The following MYRFL variants were observed in gnomAD, a reference collection of about 807,000 sequenced individuals.
The protein encoded by MYRFL is myelin regulatory factor like.
In MYRFL, 88 loss-of-function variants were observed where a neutral mutation model predicts 109.4. That is an observed-to-expected ratio of 0.80 (90% CI 0.68 to 0.96). The LOEUF (loss-of-function observed/expected upper bound fraction) is 0.96, where lower values mean the gene tolerates loss of function less well. Ranked by LOEUF, MYRFL falls within the 40% of genes least tolerant of loss-of-function variation. The probability of loss-of-function intolerance (pLI) is 0.00; values close to 1 mark genes in which losing one functional copy is unlikely to be tolerated. For missense variants in MYRFL, 957 were observed against 954.9 expected (o/e 1.00, Z -0.03); for synonymous variants, 324 against 320.9 (o/e 1.01, Z -0.10).
chr12:69,953,184 GGCACAGA>G (rs1204078771), intron 21 of MYRFL, among the ~76,000 whole-genome samples: 1 of 152,176 alleles, frequency 6.6e-6, no homozygotes, highest in African/African-American at 2.4e-5. Context: ...ACATATCAAG[GGCACAGA>G]GCTGCCAGTT....
intron 10 of MYRFL, among the ~76,000 whole-genome samples, chr12:69,901,507 T>G (rs1954179130): frequency 6.6e-6 from 1 of 152,208 alleles, no homozygotes; most frequent in African/African-American, 2.4e-5. Flanking sequence ...AGTATTGCAA[T>G]TGTTCCAAAA....
intron 13 of MYRFL, 45 bp from the exon 14 acceptor site, chr12:69,926,526 C>T: frequency 7.0e-7 from 1 of 1,432,440 alleles, no homozygotes; most frequent in Non-Finnish European, 9.2e-7. Context: ...TTGTAGTGAT[C>T]TCAAATTGTT....
At chr12:69,899,606 T>G (rs1313797112) in intron 10 of MYRFL, among the ~76,000 whole-genome samples, 2 of 152,218 alleles carry the variant, frequency 1.3e-5, no homozygotes, top group Non-Finnish European at 2.9e-5. Flanking sequence ...TCCAGACTTG[T>G]TCTGTGGCCT....
chr12:69,875,413 T>C, intron 2 of MYRFL, among the ~76,000 whole-genome samples: 1 of 152,200 alleles, frequency 6.6e-6, no homozygotes, highest in Non-Finnish European at 1.5e-5. Context: ...CCATTTAGCT[T>C]CTTATAGTAG....
chr12:69,825,642 C>T (rs771511295), intron 1 of MYRFL, 79 bp downstream of exon 1: 3 of 671,664 alleles, frequency 4.5e-6, no homozygotes, highest in Non-Finnish European at 8.0e-6. Context: ...TCCGTATTCA[C>T]TTAAACTTTG....
In MYRFL at chr12:69,880,286, A is replaced by G. The variant is rs17813773; in HGVS notation, c.550A>G (p.Arg184Gly). 119,445 of 702,460 alleles carry G rather than the reference A, an allele frequency of 0.17. 12,041 individuals carry two copies. The highest frequency in any genetic ancestry group is 0.22 in the Non-Finnish European group (84,564 of 384,656). The allele number at this position is 702,460 out of a possible 1,614,324, so 43.5% of individuals were successfully genotyped here. A position where few individuals can be genotyped will look rare whatever the true frequency, so the allele number is the denominator to read the frequency against. Residue 184 changes from arginine (R) to glycine (G), a missense_variant, in exon 5 of 25, where the codon AGA becomes GGA. Physicochemically the swap from Arg to Gly is moderately radical, Grantham distance 125. Coordinates refer to ENST00000552032, the MANE Select transcript of MYRFL (RefSeq NM_182530.3). The stretch of plus-strand genomic sequence containing the variant: ...ATGCCGAGTGTGGGCCTGCCACTGC[A>G]GACCGAGTGAGCAAACCTGGGTGGG... Reference protein sequence around the residue: ...GECRVWACHCRPMTSRSRSSE... With the variant: ...GECRVWACHCGPMTSRSRSSE...
chr12:69,939,223 T>C (rs906503638), intron 19 of MYRFL, among the ~76,000 whole-genome samples: 7 of 152,126 alleles, frequency 4.6e-5, no homozygotes, highest in Middle Eastern at 3.2e-3. Flanking sequence ...CTGTGTAGGC[T>C]CCACCTCTGG....
chr12:69,875,012 A>C (rs74791194), intron 2 of MYRFL, among the ~76,000 whole-genome samples: 25,859 of 150,822 alleles, frequency 0.17, 2,948 homozygotes, highest in African/African-American at 0.32. Context: ...TTATATCTTT[A>C]AGAAGCTCAG....
chr12:69,936,915 G>A (rs932440985), intron 19 of MYRFL, among the ~76,000 whole-genome samples: 12 of 152,168 alleles, frequency 7.9e-5, no homozygotes, highest in African/African-American at 2.7e-4. Flanking sequence ...TAGCACAAGC[G>A]AAGTAATTAC....
chr12:69,891,682 T>TTTCTTTCTTTCTTTCGTTCGTTCG (rs1277296623), intron 7 of MYRFL, among the ~76,000 whole-genome samples: 2 of 101,474 alleles, frequency 2.0e-5, no homozygotes, highest in East Asian at 2.8e-4. Flanking sequence ...TCTTTCTTTC[T>TTTCTTTCTTTCTTTCGTTCGTTCG]TTCGTTCGTT....
chr12:69,913,369 T>A (rs1470718945), intron 13 of MYRFL, among the ~76,000 whole-genome samples: 1 of 152,230 alleles, frequency 6.6e-6, no homozygotes, highest in African/African-American at 2.4e-5. Flanking sequence ...ATCCAGGAAA[T>A]CATTGCCAAA....
chr12:69,942,891 A>G (rs1955707367), intron 19 of MYRFL, among the ~76,000 whole-genome samples: 1 of 152,156 alleles, frequency 6.6e-6, no homozygotes, highest in South Asian at 2.1e-4. Flanking sequence ...ATACACCAAC[A>G]ACAGACAAAC....
intron 13 of MYRFL, among the ~76,000 whole-genome samples, chr12:69,922,774 G>A (rs1307838566): frequency 6.6e-6 from 1 of 152,004 alleles, no homozygotes; most frequent in Non-Finnish European, 1.5e-5. Flanking sequence ...TTCCCCAATT[G>A]TTTTTACATG....
intron 2 of MYRFL, among the ~76,000 whole-genome samples, chr12:69,877,516 A>T (rs952142176): frequency 1.3e-5 from 2 of 151,968 alleles, no homozygotes. Context: ...TGTCCATTCT[A>T]CTAGTTCAGT....
intron 21 of MYRFL, 25 bp downstream of exon 21, chr12:69,952,911 C>G (rs1175300323): frequency 6.8e-6 from 10 of 1,462,850 alleles, no homozygotes; most frequent in Non-Finnish European, 9.2e-6. Context: ...CCAGCATGCC[C>G]TGGTTGTTTC....
intron 1 of MYRFL, among the ~76,000 whole-genome samples, chr12:69,828,668 C>A (rs1882435999): frequency 6.6e-6 from 1 of 152,068 alleles, no homozygotes; most frequent in African/African-American, 2.4e-5. Context: ...AAGCGCCGTG[C>A]TATTTACTTT....
chr12:69,936,103 T>TACA lies in MYRFL; in HGVS notation c.1917-10_1917-9insACA. On this transcript the variant is annotated splice_polypyrimidine_tract_variant and intron_variant, in intron 16 of 24. Transcript: ENST00000552032. Reference sequence around the variant, plus strand: ...GTTTTTTTTTTTTTTTTTTTTTTTTTTTTTGACAGTGCTTTGACGATAGTT... The same window carrying TACA: ...GTTTTTTTTTTTTTTTTTTTTTTTTTACATTTTGACAGTGCTTTGACGATAGTT... 1 of 1,445,964 alleles carries TACA rather than the reference T, an allele frequency of 6.9e-7. No homozygotes were observed. Among genetic ancestry groups the TACA allele is most frequent in the Non-Finnish European group, 9.1e-7 (1 of 1,097,630 alleles). 89.6% of individuals were successfully genotyped at this position (1,445,964 alleles called of 1,614,324 possible).
At chr12:69,836,169 C>A (rs943394181) in intron 1 of MYRFL, among the ~76,000 whole-genome samples, 2 of 152,182 alleles carry the variant, frequency 1.3e-5, no homozygotes, top group African/African-American at 4.8e-5. Flanking sequence ...TGTGCTTCTG[C>A]CGGTCAGGGG....
rs1439842298 is a variant in MYRFL at position 69,832,683 on chromosome 12, GA to G, written c.46+7121del. 4.6e-5 allele frequency among the ~76,000 whole-genome samples: 7 copies of G among 152,146 alleles called. No individual in the cohort carries two copies. In the East Asian group the frequency reaches 1.4e-3, roughly 29 times the overall value. On this transcript the variant is annotated intron_variant, in intron 1 of 24. Transcript: ENST00000552032. ...GTCACTGAGCTTGAAGTGGTTGGGA[GA>G]GGGGTAGGAAAGGAACAGTGAGGTG...
Sources: gnomAD v4.1 joint callset for allele counts (sites outside exome capture counted in the v4.1 genomes callset) on GRCh38, gnomAD v4.1.1 for gene constraint, MANE v1.5 for transcripts, NCBI Gene and HGNC (gene_info 2026-07-23, HGNC 2026-07-21) for gene names.